The following SSX5 variants were observed in gnomAD, a reference collection of about 807,000 sequenced individuals.
SSX5 encodes the protein protein SSX5.
In SSX5, 14 loss-of-function variants were observed where a neutral mutation model predicts 14.9. The ratio of observed to expected loss-of-function variants is 0.94; its 90% CI spans 0.62 to 1.47. The LOEUF is 1.47. SSX5 is among the 40% of genes most tolerant of loss of function. The probability of loss-of-function intolerance (pLI) is 0.00; values close to 1 mark genes in which losing one functional copy is unlikely to be tolerated. For synonymous variants in SSX5, 70 were observed against 55.4 expected (o/e 1.26, Z -1.17); for missense variants, 204 against 154.6 (o/e 1.32, Z -1.70).
intron 4 of SSX5, among the ~76,000 whole-genome samples, chrX:48,193,258 T>C (rs2059426936): frequency 9.1e-6 from 1 of 109,435 alleles, no homozygotes; most frequent in African/African-American, 3.3e-5. Flanking sequence ...AACATTTTCT[T>C]TTTTTTTTTT....
At chrX:48,191,556 CA>C (rs2059420205) in intron 5 of SSX5, among the ~76,000 whole-genome samples, 1 of 111,615 alleles carries the variant, frequency 9.0e-6, no homozygotes, top group Non-Finnish European at 1.9e-5. Context: ...ATTCCTAAGC[CA>C]TGCAAGTGGC....
rs183443247 is a variant in SSX5 at position 48,186,739 on chromosome X, T to G, written c.*122A>C. On this transcript the variant is annotated 3_prime_UTR_variant, in exon 8 of 8. Transcript: ENST00000347757. ...AATGACGCTCAACTTTTCACTGTTGTGAACACTTGCTTTCACTTGCTATAC... is the reference window on the plus strand; with the variant it reads ...AATGACGCTCAACTTTTCACTGTTGGGAACACTTGCTTTCACTTGCTATAC... 8.6e-7 allele frequency: 1 copy of G among 1,164,861 alleles called. No homozygotes were observed. The highest frequency in any genetic ancestry group is 3.0e-5 in the East Asian group (1 of 33,660).
At chrX:48,189,255 T>C (rs1487072574) in intron 6 of SSX5, among the ~76,000 whole-genome samples, 4 of 112,251 alleles carry the variant, frequency 3.6e-5, no homozygotes, top group African/African-American at 9.7e-5. Context: ...TGGAAGGAGA[T>C]GCCATCTAGG....
rs146700648 is a variant in SSX5 at position 48,196,785 on chromosome X, G to C, written c.-75C>G. 1 of 111,129 alleles carries C rather than the reference G, an allele frequency of 9.0e-6. No homozygotes were observed. The allele number at this position is 111,129 out of a possible 1,213,427, so 9.2% of individuals were successfully genotyped here. A position where few individuals can be genotyped will look rare whatever the true frequency, so the allele number is the denominator to read the frequency against. ...AGCGTGCGTACTCTGTGGAAAAATC[G>C]AGAGAGAGAGAAAGTCAGAGCATGC... On this transcript the variant is annotated 5_prime_UTR_variant, in exon 1 of 8. Transcript: ENST00000347757.
At position 48,190,200 on chromosome X, in the gene SSX5, C is replaced by T; in HGVS notation, c.399G>A (p.Gln133=). The change falls in exon 6 of 8, where the codon CAG becomes CAA. Residue 133 remains glutamine, a synonymous_variant. Coordinates refer to ENST00000347757, the MANE Select transcript of SSX5 (RefSeq NM_175723.2). The part of the protein sequence containing the change: ...SKGVPEASGP[Q]NNGKQLRPSG... The stretch of plus-strand genomic sequence containing the variant: ...AGGGGCGCAGCTGTTTCCCATTGTT[C>T]TGTGGGCCAGATGCTTCTGGCACTC... 1.7e-6 allele frequency: 2 copies of T among 1,209,906 alleles called. No individual in the cohort carries two copies. Among genetic ancestry groups the T allele is most frequent in the South Asian group, 3.5e-5 (2 of 56,522 alleles).
At chrX:48,187,563 A>G (rs2059403234) in intron 7 of SSX5, 64 bp downstream of exon 7, 3 of 1,122,927 alleles carry the variant, frequency 2.7e-6, no homozygotes, top group Non-Finnish European at 3.7e-6. Context: ...AAGATGGGAT[A>G]CCAGTACCAT....
intron 1 of SSX5, among the ~76,000 whole-genome samples, chrX:48,196,425 G>C (rs2059441673): frequency 9.5e-6 from 1 of 105,112 alleles, no homozygotes; most frequent in Non-Finnish European, 2.0e-5. Flanking sequence ...TGTTGCCCAG[G>C]CTGGGGTGCA....
rs782071599 is a variant in SSX5, at chrX:48,192,264, T to C, written c.298A>G (p.Thr100Ala). The C allele has an allele frequency of 1.7e-6, 2 of 1,210,003 alleles. No individual in the cohort carries two copies. The highest frequency in any genetic ancestry group is 2.2e-6 in the Non-Finnish European group (2 of 895,128). ...AAGATTCCCTGGAGCCTGCCGAAAG[T>C]CATCTGAGGATGTTCAACTGAAAGA... ...RGNQVEHPQMTFGRLQGIFPK... is the reference protein window; with the variant it reads ...RGNQVEHPQMAFGRLQGIFPK... The change falls in exon 5 of 8, where the codon ACT becomes GCT. Residue 100 changes from threonine to alanine, a missense_variant. Physicochemically the swap from Thr to Ala is moderately conservative, Grantham distance 58 (BLOSUM62 0). Transcript: ENST00000347757.
chrX:48,187,637 G>T lies in SSX5; in HGVS notation c.561C>A (p.Asp187Glu), dbSNP rs782628762. Residue 187 changes from aspartate (D) to glutamate (E), a missense_variant, in exon 7 of 8, where the codon GAC becomes GAA. Transcript: ENST00000347757. ...YEEISDPQED[D>E]E ...CAAAGGTTCACTTACGGAGTTACTC[G>T]TCATCTTCCTGAGGGTCGCTGATCT... 3.3e-6 allele frequency: 4 copies of T among 1,208,835 alleles called. No homozygotes were observed. Among genetic ancestry groups the T allele is most frequent in the Admixed American group, 4.3e-5 (2 of 46,027 alleles).
Position 48,194,148 on chromosome X carries a change from G to A in SSX5, c.261C>T (p.Asp87=). 8.3e-7 allele frequency: 1 copy of A among 1,210,597 alleles called. No homozygotes were observed. The highest frequency in any genetic ancestry group is 1.1e-6 in the Non-Finnish European group (1 of 895,017). The change falls in exon 4 of 8, where the codon GAC becomes GAT. Residue 87 remains aspartate, a synonymous_variant. Coordinates refer to ENST00000347757, the MANE Select transcript of SSX5 (RefSeq NM_175723.2). ...ACTCACCCTGATTCCCACGGTTAGG[G>A]TCATTATCAAAATCATTCCCCTGGA... ...ADFQGNDFDN[D]PNRGNQVEHP...
intron 4 of SSX5, among the ~76,000 whole-genome samples, chrX:48,193,372 G>T (rs1345363109): frequency 1.8e-5 from 2 of 110,876 alleles, no homozygotes; most frequent in African/African-American, 6.6e-5. Context: ...GAAAAGTATG[G>T]GGAATAATAT....
chrX:48,193,866 A>G (rs1556925272), intron 4 of SSX5, among the ~76,000 whole-genome samples: 1 of 101,512 alleles, frequency 9.9e-6, no homozygotes, highest in Non-Finnish European at 2.0e-5. Context: ...AGTCACCTTA[A>G]TTTGATGGCT....
At chrX:48,189,382 C>T (rs1186371164) in intron 6 of SSX5, among the ~76,000 whole-genome samples, 1 of 64,512 alleles carries the variant, frequency 1.6e-5, no homozygotes, top group Non-Finnish European at 3.1e-5. Flanking sequence ...AAGAGCTAAT[C>T]GATGTGGCAA....
chrX:48,195,441 T>A, intron 1 of SSX5, 63 bp from the exon 2 acceptor site: 3 of 1,067,287 alleles, frequency 2.8e-6, no homozygotes, highest in Non-Finnish European at 3.9e-6. Context: ...GAGGGAGAAA[T>A]CAGTGAAGTC....
chrX:48,194,284 C>G (rs1482535971), intron 3 of SSX5, 60 bp from the exon 4 acceptor site: 3 of 1,131,417 alleles, frequency 2.7e-6, no homozygotes, highest in African/African-American at 1.8e-5. Context: ...TATGGTGGCT[C>G]ATGTCTGTAG....
intron 4 of SSX5, among the ~76,000 whole-genome samples, chrX:48,193,786 C>T (rs782177800): frequency 9.1e-6 from 1 of 109,990 alleles, no homozygotes; most frequent in Non-Finnish European, 1.9e-5. Context: ...ATCAACAAGT[C>T]ACAGCTGAAG....
chrX:48,193,181 T>C (rs2059426666), intron 4 of SSX5, among the ~76,000 whole-genome samples: 1 of 111,820 alleles, frequency 8.9e-6, no homozygotes, highest in South Asian at 3.7e-4. Context: ...ACTCCTAAGA[T>C]AGTTATTCAA....
chrX:48,193,956 T>A (rs1556925280), intron 4 of SSX5, among the ~76,000 whole-genome samples, 173 bp downstream of exon 4: 1 of 110,193 alleles, frequency 9.1e-6, no homozygotes, highest in African/African-American at 3.3e-5. Flanking sequence ...TTGCATGTTT[T>A]AAAATTTTAT....
rs2059397739 is a variant in SSX5 at position 48,186,459 on chromosome X, A to G, written c.*402T>C. 3.2e-6 allele frequency: 1 copy of G among 313,552 alleles called. No individual in the cohort carries two copies. Among genetic ancestry groups the G allele is most frequent in the South Asian group, 4.0e-5 (1 of 25,101 alleles). 25.8% of individuals were successfully genotyped at this position (313,552 alleles called of 1,213,427 possible). Reference sequence around the variant, plus strand: ...CATGTGTGTGTGTTTGTGTAAATGCAGAGGAAAAAATCTGAAATTAAACAC... The same window carrying G: ...CATGTGTGTGTGTTTGTGTAAATGCGGAGGAAAAAATCTGAAATTAAACAC... On this transcript the variant is annotated 3_prime_UTR_variant, in exon 8 of 8. Coordinates refer to ENST00000347757, the MANE Select transcript of SSX5 (RefSeq NM_175723.2).
Sources: gnomAD v4.1 joint callset for allele counts (sites outside exome capture counted in the v4.1 genomes callset) on GRCh38, gnomAD v4.1.1 for gene constraint, MANE v1.5 for transcripts, NCBI Gene and HGNC (gene_info 2026-07-23, HGNC 2026-07-21) for gene names.